Variants in CCDC180 observed in about 807,000 individuals in gnomAD.
CCDC180 encodes the protein coiled-coil domain containing 180, also known as coiled-coil domain-containing protein 180.
In CCDC180, 154 loss-of-function variants were observed where a neutral mutation model predicts 209.2. The ratio of observed to expected loss-of-function variants is 0.74; its 90% CI spans 0.65 to 0.84. CCDC180 has a LOEUF of 0.84. Ranked by LOEUF, CCDC180 falls within the 40% of genes least tolerant of loss-of-function variation. CCDC180 has a pLI of 0.00. For synonymous variants in CCDC180, 778 were observed against 749.1 expected (o/e 1.04, Z -0.63); for missense variants, 1,874 against 1,997.3 (o/e 0.94, Z 1.18).
At position 97,366,583 on chromosome 9, in the gene CCDC180, C is replaced by G; in HGVS notation, c.4072C>G (p.Pro1358Ala). The G allele has an allele frequency of 6.2e-7, 1 of 1,614,130 alleles. No individual in the cohort carries two copies. The highest frequency in any genetic ancestry group is 2.2e-5 in the East Asian group (1 of 44,884). The change falls in exon 31 of 37, where the codon CCA (proline) becomes GCA (alanine). Residue 1358 changes from proline to alanine, a missense_variant. Transcript: ENST00000529487. This position sits in a 1 kb window ranked among gnomAD's most constrained non-coding sequence, Gnocchi z 4.3. ...AEEFYRKEKR[P>A]VTRPDCMCDT... ...GGAGTTCTACCGTAAAGAAAAACGC[C>G]CAGTCACCAGGCCTGACTGCATGTG... is the stretch of plus-strand genomic sequence containing the variant.
intron 24 of CCDC180, among the ~76,000 whole-genome samples, chr9:97,355,907 G>C (rs1022033846): frequency 1.3e-5 from 2 of 152,198 alleles, no homozygotes; most frequent in Non-Finnish European, 2.9e-5. Context: ...GACTGCAAGA[G>C]TGTGAGGGAG....
rs1157841868 is a variant in CCDC180, at chr9:97,376,891, G to A, written c.4971G>A (p.Val1657=). 6.2e-7 allele frequency: 1 copy of A among 1,611,060 alleles called. No homozygotes were observed. Among genetic ancestry groups the A allele is most frequent in the Admixed American group, 1.7e-5 (1 of 59,896 alleles). The change falls in exon 37 of 37, where the codon GTG becomes GTA. Residue 1657 remains valine (V), a synonymous_variant. Transcript: ENST00000529487. ...TGCACACTATCCAAGGCCTGTATGT[G>A]TGACCCTCCGCCCCACCATGAATAA... ...QSLHTIQGLY[V]
chr9:97,369,911 A>C lies in CCDC180; in HGVS notation c.4190-11A>C. The C allele has an allele frequency of 6.2e-7, 1 of 1,614,002 alleles. No individual in the cohort carries two copies. The highest frequency in any genetic ancestry group is 8.5e-7 in the Non-Finnish European group (1 of 1,179,994). ...TTCCCTCCCTTGGCCTCTTACCCGCACTTCTGGCAGAATTACGGATCCAGA... is the reference window on the plus strand; with the variant it reads ...TTCCCTCCCTTGGCCTCTTACCCGCCCTTCTGGCAGAATTACGGATCCAGA... On this transcript the variant is annotated splice_polypyrimidine_tract_variant and intron_variant, in intron 31 of 36. Coordinates refer to ENST00000529487, the MANE Select transcript of CCDC180 (RefSeq NM_020893.6).
At chr9:97,346,225 C>G (rs911900810) in intron 19 of CCDC180, among the ~76,000 whole-genome samples, 1 of 152,200 alleles carries the variant, frequency 6.6e-6, no homozygotes, top group Non-Finnish European at 1.5e-5. Context: ...TACATTAAGC[C>G]TTAATATCTG....
chr9:97,313,381 G>T (rs1401682212), intron 5 of CCDC180, 36 bp downstream of exon 5: 1 of 1,484,026 alleles, frequency 6.7e-7, no homozygotes, highest in Non-Finnish European at 9.4e-7. Context: ...TTCCCTTCCT[G>T]TGCCATTCCA....
chr9:97,326,502 G>T, intron 14 of CCDC180, 52 bp from the exon 15 acceptor site: 1 of 1,086,128 alleles, frequency 9.2e-7, no homozygotes, highest in South Asian at 1.2e-5. Flanking sequence ...CTTACACTCT[G>T]TGAGCACTGG....
chr9:97,307,624 C>A, upstream of CCDC180: 2 of 990,812 alleles, frequency 2.0e-6, no homozygotes, highest in Non-Finnish European at 3.2e-6. Flanking sequence ...GCGAATTCTG[C>A]GCCGCATTAG....
intron 19 of CCDC180, chr9:97,345,456 G>A (rs1826227928): frequency 3.0e-6 from 1 of 331,380 alleles, no homozygotes; most frequent in East Asian, 1.0e-4. Context: ...CTCCTGATGA[G>A]TATGATATTG....
At chr9:97,364,371 G>A (rs151217400) in intron 29 of CCDC180, 96 of 467,114 alleles carry the variant, frequency 2.1e-4, no homozygotes, top group African/African-American at 1.7e-3. Context: ...CTGGTGGTAG[G>A]GCAGGAGACC....
rs757689750 is a variant in CCDC180 at position 97,369,961 on chromosome 9, C to A, written c.4229C>A (p.Pro1410His). The change falls in exon 32 of 37, where the codon CCC becomes CAC. Residue 1410 changes from proline to histidine, a missense_variant. Transcript: ENST00000529487. ...ATCAGGAGATTTGAGGAGCTGCTGC[C>A]CCAAGTGTGTTGGCTGGTGATGGAG... Reference protein sequence around the residue: ...IQIRRFEELLPQVCWLVMENF... With the variant: ...IQIRRFEELLHQVCWLVMENF... 3.7e-6 allele frequency: 6 copies of A among 1,614,050 alleles called. No individual in the cohort carries two copies. The African/African-American group carries it at 6.7e-5, about 18-fold the overall frequency.
chr9:97,327,889 G>T (rs1027444831), intron 15 of CCDC180, 131 bp from the exon 16 acceptor site: 3 of 946,860 alleles, frequency 3.2e-6, no homozygotes, highest in African/African-American at 1.7e-5. Flanking sequence ...CATAGCCAAG[G>T]ACTGCTGCTA....
chr9:97,376,020 C>T (rs1484748614), intron 36 of CCDC180: 2 of 182,332 alleles, frequency 1.1e-5, no homozygotes, highest in Non-Finnish European at 2.3e-5. Context: ...AGGCATCTCA[C>T]TGAATCCTCC....
At position 97,308,014 on chromosome 9, in the gene CCDC180, C is replaced by G. The variant is rs758116573; in HGVS notation, c.-50C>G. On this transcript the variant is annotated 5_prime_UTR_variant, in exon 2 of 37. Coordinates refer to ENST00000529487, the MANE Select transcript of CCDC180 (RefSeq NM_020893.6). The stretch of plus-strand genomic sequence containing the variant: ...GAATTGAGACACCAAAGCCTAGACG[C>G]GTTTCCTGGACGACGGCTTCCCGGC... 6.2e-6 allele frequency: 10 copies of G among 1,609,348 alleles called. No homozygotes were observed. Among genetic ancestry groups the G allele is most frequent in the Non-Finnish European group, 7.6e-6 (9 of 1,177,954 alleles).
Position 97,366,424 on chromosome 9 carries a change from C to G in CCDC180, c.4048-135C>G. 1.2e-6 allele frequency: 1 copy of G among 858,770 alleles called. No homozygotes were observed. Among genetic ancestry groups the G allele is most frequent in the Non-Finnish European group, 1.8e-6 (1 of 562,424 alleles). The allele number at this position is 858,770 out of a possible 1,614,324, so 53.2% of individuals were successfully genotyped here. On this transcript the variant is annotated intron_variant, in intron 30 of 36. Coordinates refer to ENST00000529487, the MANE Select transcript of CCDC180 (RefSeq NM_020893.6). The surrounding 1 kb of genome is among the most constrained non-coding windows in gnomAD (Gnocchi z 4.3). ...GCAGACAGGGAAGGAGGAGTGTCTG[C>G]TCGTGTCACTTCCACAGGGGATGCC...
chr9:97,365,629 G>A, intron 29 of CCDC180, 44 bp from the exon 30 acceptor site: 1 of 1,569,460 alleles, frequency 6.4e-7, no homozygotes, highest in Non-Finnish European at 8.8e-7. Context: ...ATGTTTGTGT[G>A]TCTAGACCAG....
chr9:97,354,912 G>A lies in CCDC180; in HGVS notation c.3168G>A (p.Lys1056=), dbSNP rs1826531045. 1.2e-6 allele frequency: 2 copies of A among 1,613,800 alleles called. No individual in the cohort carries two copies. Among genetic ancestry groups the A allele is most frequent in the African/African-American group, 1.3e-5 (1 of 74,934 alleles). ...YLDQANDVIN[K]FESKFHNLSV... ...TACAGGCCAATGATGTCATCAACAA[G>A]TTTGAAAGCAAATTCCATAACCTGT... The change falls in exon 24 of 37, where the codon AAG becomes AAA. Residue 1056 remains lysine (K), a synonymous_variant. Coordinates refer to ENST00000529487, the MANE Select transcript of CCDC180 (RefSeq NM_020893.6).
rs926905104 is a variant in CCDC180 at position 97,377,687 on chromosome 9, T to TGCTTGGTTA, written c.*810_*818dup. On this transcript the variant is annotated 3_prime_UTR_variant, in exon 37 of 37. Transcript: ENST00000529487. ...TGGTTTGCTCCACCCAGTGAGGCCC[T>TGCTTGGTTA]GCTTGGTTAGCTTGGTTAGCTTGGT... 4.6e-5 allele frequency: 7 copies of TGCTTGGTTA among 152,224 alleles called. No individual in the cohort carries two copies. Among genetic ancestry groups the TGCTTGGTTA allele is most frequent in the Non-Finnish European group, 8.8e-5 (6 of 68,094 alleles). The allele number at this position is 152,224 out of a possible 1,614,324, so 9.4% of individuals were successfully genotyped here. A position where few individuals can be genotyped will look rare whatever the true frequency, so the allele number is the denominator to read the frequency against.
At chr9:97,357,589 A>C in intron 24 of CCDC180, 38 bp from the exon 25 acceptor site, 1 of 1,344,422 alleles carries the variant, frequency 7.4e-7, no homozygotes, top group Non-Finnish European at 1.1e-6. Flanking sequence ...CACAATATGT[A>C]TTCTAGAAAC....
rs559599957 is a variant in CCDC180, at chr9:97,371,314, C to T, written c.4489-281C>T. 4.9e-5 allele frequency: 13 copies of T among 264,900 alleles called. No homozygotes were observed. In the South Asian group the frequency reaches 6.9e-4, roughly 14 times the overall value. The allele number at this position is 264,900 out of a possible 1,614,324, so 16.4% of individuals were successfully genotyped here. ...AATTAATTAATTACAAAATTACTGA[C>T]GATAACTTTTATTTAGTGATCCATG... is the stretch of plus-strand genomic sequence containing the variant. On this transcript the variant is annotated intron_variant, in intron 33 of 36. Transcript: ENST00000529487.
Sources: allele counts gnomAD v4.1 joint callset (sites outside exome capture counted in the v4.1 genomes callset), GRCh38; gene constraint gnomAD v4.1.1; non-coding constraint Gnocchi (gnomAD v3.1); transcripts MANE v1.5; gene names NCBI Gene and HGNC (gene_info 2026-07-23, HGNC 2026-07-21).